PLA2G4C: variants seen among roughly 807,000 people sequenced by gnomAD.
PLA2G4C encodes the protein phospholipase A2 group IVC, also known as cytosolic phospholipase A2 gamma.
Under a neutral mutation model 73.8 loss-of-function variants are expected in PLA2G4C, and 64 were observed. The observed-to-expected ratio is 0.87, with a 90% CI of 0.71 to 1.07. The LOEUF is 1.07. Among genes scored for constraint, PLA2G4C ranks in the 50% least tolerant of loss-of-function variants. The pLI is 0.00. For missense variants in PLA2G4C, 622 were observed against 665.4 expected (o/e 0.93, Z 0.72); for synonymous variants, 254 against 252.1 (o/e 1.01, Z -0.07).
intron 15 of PLA2G4C, 78 bp downstream of exon 15, chr19:48,054,800 T>G: frequency 7.7e-7 from 1 of 1,304,626 alleles, no homozygotes; most frequent in Non-Finnish European, 1.1e-6. Flanking sequence ...AATTACCCAG[T>G]CTCAGGTATG....
intron 13 of PLA2G4C, among the ~76,000 whole-genome samples, chr19:48,065,253 T>A: frequency 1.5e-5 from 1 of 68,936 alleles, no homozygotes. Context: ...CATGGAGGGG[T>A]AGAGGTGAGG....
intron 13 of PLA2G4C, chr19:48,064,866 G>T (rs1320495018): frequency 6.6e-6 from 1 of 152,220 alleles, no homozygotes; most frequent in East Asian, 1.9e-4. Context: ...TCCTCAGAAA[G>T]AACTCACCCC....
At chr19:48,051,824 G>A (rs1260623381) in intron 16 of PLA2G4C, 3 of 149,742 alleles carry the variant, frequency 2.0e-5, no homozygotes, top group Non-Finnish European at 4.4e-5. Context: ...GGAACAAAAG[G>A]AAAGACAGTT....
intron 14 of PLA2G4C, among the ~76,000 whole-genome samples, chr19:48,057,551 G>A (rs556351495): frequency 0.038 from 4,925 of 129,470 alleles, 154 homozygotes; most frequent in African/African-American, 0.078. Context: ...GTGCAGTGGC[G>A]GGATCTTGGC....
intron 10 of PLA2G4C, among the ~76,000 whole-genome samples, chr19:48,079,246 G>A (rs1022541939): frequency 4.6e-5 from 7 of 152,068 alleles, no homozygotes; most frequent in African/African-American, 1.7e-4. Flanking sequence ...CAAATCTGGA[G>A]GCATCACATT....
rs866740586 is a variant in PLA2G4C at position 48,105,919 on chromosome 19, C to T, written c.9-475G>A. Among the ~76,000 whole-genome samples the T allele has an allele frequency of 2.5e-3, 36 of 14,544 alleles. 3 individuals carry two copies. The highest frequency in any genetic ancestry group is 6.5e-3 in the African/African-American group (8 of 1,222). The allele number at this position is 14,544 out of a possible 152,430, so 9.5% of individuals were successfully genotyped here. Reference sequence around the variant, plus strand: ...CCTCCCTCCCTCCCTCCCTCCCTCCCTCCCTCCCTCCCTCCCTCCCTCCCT... The same window carrying T: ...CCTCCCTCCCTCCCTCCCTCCCTCCTTCCCTCCCTCCCTCCCTCCCTCCCT... On this transcript the variant is annotated intron_variant, in intron 2 of 16. Coordinates refer to ENST00000599921, the MANE Select transcript of PLA2G4C (RefSeq NM_003706.3).
intron 1 of PLA2G4C, among the ~76,000 whole-genome samples, chr19:48,109,370 C>G (rs890403698): frequency 4.6e-5 from 7 of 152,192 alleles, no homozygotes; most frequent in Non-Finnish European, 1.0e-4. Context: ...CTCCTGGGCT[C>G]AAGCGAGCCT....
chr19:48,059,558 T>C (rs1968089072), intron 14 of PLA2G4C, among the ~76,000 whole-genome samples: 1 of 152,072 alleles, frequency 6.6e-6, no homozygotes, highest in African/African-American at 2.4e-5. Flanking sequence ...CCAGTGTGAC[T>C]AGAACAAAGC....
intron 12 of PLA2G4C, 89 bp from the exon 13 acceptor site, chr19:48,067,975 C>A (rs1968506529): frequency 6.6e-6 from 6 of 913,822 alleles, no homozygotes; most frequent in Non-Finnish European, 1.1e-5. Flanking sequence ...AGCCCTCATC[C>A]CCCATGGGGT....
chr19:48,075,780 C>CT (rs1289379877), intron 11 of PLA2G4C, among the ~76,000 whole-genome samples: 4 of 152,064 alleles, frequency 2.6e-5, no homozygotes, highest in African/African-American at 9.7e-5. Flanking sequence ...GTTGCCATTT[C>CT]TTTTTTGTTG....
intron 16 of PLA2G4C, 36 bp from the exon 17 acceptor site, chr19:48,048,424 C>T (rs1967601999): frequency 2.0e-6 from 3 of 1,512,484 alleles, no homozygotes; most frequent in Non-Finnish European, 2.7e-6. Flanking sequence ...TACCACTGTG[C>T]TTTGTAGGCA....
chr19:48,088,387 C>T (rs1376652454), intron 9 of PLA2G4C, among the ~76,000 whole-genome samples: 3 of 150,762 alleles, frequency 2.0e-5, no homozygotes, highest in African/African-American at 7.3e-5. Flanking sequence ...AAAAAAAACA[C>T]AGTCAAATCC....
intron 16 of PLA2G4C, among the ~76,000 whole-genome samples, chr19:48,050,129 C>T (rs1453380000): frequency 1.3e-5 from 2 of 152,118 alleles, no homozygotes; most frequent in East Asian, 1.9e-4. Context: ...ACCATGTTGG[C>T]CAGGTTGGTC....
intron 16 of PLA2G4C, among the ~76,000 whole-genome samples, chr19:48,050,459 C>A (rs981643924): frequency 6.6e-6 from 1 of 152,052 alleles, no homozygotes; most frequent in East Asian, 1.9e-4. Context: ...AGGGACCAAC[C>A]GCACAGGAGC....
chr19:48,084,043 TGTG>T (rs2030823440), intron 10 of PLA2G4C, among the ~76,000 whole-genome samples: 1 of 69,274 alleles, frequency 1.4e-5, no homozygotes, highest in Non-Finnish European at 2.8e-5. Flanking sequence ...GCCAATTTTG[TGTG>T]TGTGTGTGTG....
At chr19:48,097,966 C>T in intron 6 of PLA2G4C, 173 bp downstream of exon 6, 1 of 626,144 alleles carries the variant, frequency 1.6e-6, no homozygotes, top group Non-Finnish European at 2.7e-6. Flanking sequence ...GTCCTCTGGT[C>T]ACTTCTGGGA....
At chr19:48,101,124 ATATTTT>A (rs1342325594) in intron 4 of PLA2G4C, among the ~76,000 whole-genome samples, 25 of 59,444 alleles carry the variant, frequency 4.2e-4, no homozygotes, top group African/African-American at 1.9e-3. Context: ...ATATATATAT[ATATTTT>A]TTTTTTTTTT....
intron 16 of PLA2G4C, chr19:48,051,666 C>T (rs1204703067): frequency 6.6e-6 from 1 of 151,832 alleles, no homozygotes; most frequent in African/African-American, 2.4e-5. Flanking sequence ...GAAGCCACCC[C>T]CAAGATCCAA....
intron 7 of PLA2G4C, 22 bp downstream of exon 7, chr19:48,095,442 C>T: frequency 6.2e-7 from 1 of 1,609,172 alleles, no homozygotes; most frequent in Non-Finnish European, 8.5e-7. Context: ...CCCTTTTAAT[C>T]CCCTCTGACC....
Sources: allele counts gnomAD v4.1 joint callset (sites outside exome capture counted in the v4.1 genomes callset), GRCh38; gene constraint gnomAD v4.1.1; transcripts MANE v1.5; gene names NCBI Gene and HGNC (gene_info 2026-07-23, HGNC 2026-07-21).